RNF213: variants seen among roughly 807,000 people sequenced by gnomAD.
The protein encoded by RNF213 is ring finger protein 213, also known as E3 ubiquitin-protein ligase RNF213.
RNF213 carries 341 observed loss-of-function variants against 514.4 expected under a neutral mutation model. That is an observed-to-expected ratio of 0.66 (90% CI 0.61 to 0.73). RNF213 has a LOEUF of 0.73. Among genes scored for constraint, RNF213 ranks in the 30% least tolerant of loss-of-function variants. The pLI, the probability that RNF213 is intolerant of heterozygous loss-of-function variation, is 0.00. For synonymous variants in RNF213, 2,655 were observed against 2,658.2 expected, an observed-to-expected ratio of 1.00 and a Z score of 0.04; for missense variants, 5,767 against 6,615.6, an observed-to-expected ratio of 0.87 and a Z score of 4.45.
In RNF213 at chr17:80,346,715, G is replaced by A. The variant is rs900815122; in HGVS notation, c.8380G>A (p.Asp2794Asn). The change falls in exon 29 of 68, where the codon GAT becomes AAT. Residue 2794 changes from aspartate (D) to asparagine (N), a missense_variant. Coordinates refer to ENST00000582970, the MANE Select transcript of RNF213 (RefSeq NM_001256071.3). The surrounding 1 kb of genome is among the most constrained non-coding windows in gnomAD (Gnocchi z 8.1). ...CATGCAGGGCCCGGCTGCCTACTCA[G>A]ATCTCTTCCGCAGCCTGAAGCAGGT... ...DAMQGPAAYS[D>N]LFRSLKQVHL... is the part of the protein sequence containing the mutation. 6.2e-7 allele frequency: 1 copy of A among 1,611,760 alleles called. No homozygotes were observed. The highest frequency in any genetic ancestry group is 8.5e-7 in the Non-Finnish European group (1 of 1,179,936).
rs1491546164 is a variant in RNF213, at chr17:80,368,173, CCT to C, written c.12155+31_12155+32del. 5.3e-5 allele frequency: 86 copies of C among 1,607,526 alleles called. 1 individual carries two copies. The highest frequency in any genetic ancestry group is 6.9e-5 in the Non-Finnish European group (81 of 1,174,094). On this transcript the variant is annotated intron_variant, in intron 44 of 67. Transcript: ENST00000582970. ...AACACCCTTTCTCTCAAGAAAGCAT[CCT>C]TTTTTTCATTTTCCTTTTTTGGCAA...
Position 80,381,129 on chromosome 17 carries a change from C to T in RNF213, c.13797+142C>T, listed in dbSNP as rs574812727. ...TCTACAAAGTAATATACAAGTTATA[C>T]ATCTTCATGTTTCCCCCTGTGGCGT... On this transcript the variant is annotated intron_variant, in intron 56 of 67. Transcript: ENST00000582970. 113 of 887,980 alleles carry T rather than the reference C, an allele frequency of 1.3e-4. 1 individual carries two copies. In the South Asian group the frequency reaches 1.4e-3, roughly 11 times the overall value. The allele number at this position is 887,980 out of a possible 1,614,324, so 55.0% of individuals were successfully genotyped here. A position where few individuals can be genotyped will look rare whatever the true frequency, so the allele number is the denominator to read the frequency against.
rs758730525 is a variant in RNF213 at position 80,383,798 on chromosome 17, G to A, written c.14192G>A (p.Arg4731Gln). 3.0e-5 allele frequency: 49 copies of A among 1,613,994 alleles called. No homozygotes were observed. The highest frequency in any genetic ancestry group is 4.5e-5 in the East Asian group (2 of 44,900). ...GTGACCTTCCTGCCCCACCTGCCCCGGAAAAGTGTGGTCCATTGCTCTAAG... is the reference window on the plus strand; with the variant it reads ...GTGACCTTCCTGCCCCACCTGCCCCAGAAAAGTGTGGTCCATTGCTCTAAG... ...DPVTFLPHLP[R>Q]KSVVHCSKIW... Residue 4731 changes from arginine (R) to glutamine (Q), a missense_variant, in exon 59 of 68, where the codon CGG (arginine) becomes CAG (glutamine). By Grantham distance (43) the Arg-to-Gln change is conservative (BLOSUM62 1). This residue lies in a region of RNF213 where 1,245 missense variants were observed against 1,339.0 expected (regional missense o/e 0.93). Transcript: ENST00000582970.
intron 6 of RNF213, 41 bp from the exon 7 acceptor site, chr17:80,290,529 G>C (rs373504283): frequency 1.9e-6 from 3 of 1,612,292 alleles, no homozygotes; most frequent in Admixed American, 1.7e-5. Flanking sequence ...CAGGTGGACA[G>C]ATCTCACGGG....
intron 23 of RNF213, chr17:80,336,644 C>T (rs760544032): frequency 1.9e-4 from 91 of 470,178 alleles, no homozygotes; most frequent in African/African-American, 4.3e-4. Context: ...TATGCTGAAA[C>T]GTTGCCAGGA....
intron 3 of RNF213, among the ~76,000 whole-genome samples, chr17:80,280,406 A>G (rs548440215): frequency 1.3e-5 from 2 of 152,274 alleles, no homozygotes; most frequent in South Asian, 2.1e-4. Context: ...AACTTAACCA[A>G]CTAATTAATG....
intron 2 of RNF213, among the ~76,000 whole-genome samples, chr17:80,270,109 C>T (rs908788869): frequency 3.3e-5 from 5 of 152,202 alleles, no homozygotes; most frequent in Admixed American, 2.0e-4. Flanking sequence ...TGAATGTGTG[C>T]GCACACACAC....
chr17:80,392,015 G>C (rs556447896), intron 67 of RNF213, among the ~76,000 whole-genome samples: 3 of 151,978 alleles, frequency 2.0e-5, no homozygotes, highest in South Asian at 2.1e-4. Context: ...TGATCTGCCC[G>C]TCTCGGCCTC....
rs774454468 is a variant in RNF213, at chr17:80,363,134, G to A, written c.11388G>A (p.Arg3796=). The change falls in exon 40 of 68, where the codon AGG becomes AGA. Residue 3796 remains arginine, a synonymous_variant. Coordinates refer to ENST00000582970, the MANE Select transcript of RNF213 (RefSeq NM_001256071.3). The part of the protein sequence containing the change: ...FLQMALWSCT[R]KLKAASEAPE... Reference sequence around the variant, plus strand: ...AGATGGCTCTGTGGTCCTGCACTAGGAAACTGAAAGCGGCGTCAGAAGCGC... The same window carrying A: ...AGATGGCTCTGTGGTCCTGCACTAGAAAACTGAAAGCGGCGTCAGAAGCGC... 1 of 1,614,214 alleles carries A rather than the reference G, an allele frequency of 6.2e-7. No individual in the cohort carries two copies. Among genetic ancestry groups the A allele is most frequent in the Admixed American group, 1.7e-5 (1 of 60,034 alleles).
rs148511638 is a variant in RNF213, at chr17:80,317,581, G to A, written c.2901+304G>A. Among the ~76,000 whole-genome samples, 1,075 of 152,276 alleles carry A rather than the reference G, an allele frequency of 7.1e-3. 14 individuals carry two copies. The highest frequency in any genetic ancestry group is 0.025 in the African/African-American group (1,031 of 41,554). ...GGATGCTGTGTTTACTTGGCCCGCCGTGCTCAACCCCTTGTGGGAGGGAGC... is the reference window on the plus strand; with the variant it reads ...GGATGCTGTGTTTACTTGGCCCGCCATGCTCAACCCCTTGTGGGAGGGAGC... On this transcript the variant is annotated intron_variant, in intron 16 of 67. Transcript: ENST00000582970. The surrounding 1 kb of genome is among the most constrained non-coding windows in gnomAD (Gnocchi z 4.1).
rs1164347708 is a variant in RNF213 at position 80,393,407 on chromosome 17, C to G, written c.15533C>G (p.Ala5178Gly). 6.2e-7 allele frequency: 1 copy of G among 1,614,092 alleles called. No individual in the cohort carries two copies. The highest frequency in any genetic ancestry group is 2.2e-5 in the East Asian group (1 of 44,896). The change falls in exon 68 of 68, where the codon GCA becomes GGA. Residue 5178 changes from alanine (A) to glycine (G), a missense_variant. Coordinates refer to ENST00000582970, the MANE Select transcript of RNF213 (RefSeq NM_001256071.3). Reference protein sequence around the residue: ...TKESEILPEMASQFPEEILLA... With the variant: ...TKESEILPEMGSQFPEEILLA... Reference sequence around the variant, plus strand: ...GAAAGTGAAATTCTTCCTGAAATGGCATCTCAGTTCCCAGAAGAGATACTG... The same window carrying G: ...GAAAGTGAAATTCTTCCTGAAATGGGATCTCAGTTCCCAGAAGAGATACTG...
rs989015626 is a variant in RNF213, at chr17:80,381,356, G to A, written c.13798-191G>A. On this transcript the variant is annotated intron_variant, in intron 56 of 67. Transcript: ENST00000582970. The stretch of plus-strand genomic sequence containing the variant: ...CAATCTGGATATTCTTTATCTCACT[G>A]TAACAACAGAAAAGCCAGCAGCCGT... 5 of 677,308 alleles carry A rather than the reference G, an allele frequency of 7.4e-6. No homozygotes were observed. The Admixed American group carries it at 1.1e-4, about 14-fold the overall frequency. 42.0% of individuals were successfully genotyped at this position (677,308 alleles called of 1,614,324 possible). A position where few individuals can be genotyped will look rare whatever the true frequency, so the allele number is the denominator to read the frequency against.
At chr17:80,360,397 G>A (rs921761323) in intron 38 of RNF213, 191 bp downstream of exon 38, 3 of 674,608 alleles carry the variant, frequency 4.4e-6, no homozygotes, top group Non-Finnish European at 7.8e-6. Flanking sequence ...GAAGGAGTGA[G>A]AGGCCCCGGC....
chr17:80,349,027 A>C (rs2144166324), intron 29 of RNF213, among the ~76,000 whole-genome samples: 1 of 152,222 alleles, frequency 6.6e-6, no homozygotes, highest in East Asian at 1.9e-4. Context: ...AACCGTACAA[A>C]GGAGAGGAGC....
In RNF213 at chr17:80,345,458, G is replaced by C; in HGVS notation, c.7123G>C (p.Glu2375Gln). 1 of 1,611,848 alleles carries C rather than the reference G, an allele frequency of 6.2e-7. No homozygotes were observed. Among genetic ancestry groups the C allele is most frequent in the Non-Finnish European group, 8.5e-7 (1 of 1,178,436 alleles). The change falls in exon 29 of 68, where the codon GAG (glutamate) becomes CAG (glutamine). Residue 2375 changes from glutamate (E) to glutamine (Q), a missense_variant. This residue lies in a region of RNF213 where 1,377 missense variants were observed against 1,635.2 expected (regional missense o/e 0.84). Transcript: ENST00000582970. The surrounding 1 kb of genome is among the most constrained non-coding windows in gnomAD (Gnocchi z 6.0). ...TAAACTGCCCAGACACAAGAAACTT[G>C]AGAGGCTCTGCCTGACCTTAGGGAT... is the stretch of plus-strand genomic sequence containing the variant. Reference protein sequence around the residue: ...FDKLPRHKKLERLCLTLGIPQ... With the variant: ...FDKLPRHKKLQRLCLTLGIPQ...
chr17:80,379,757 G>T, intron 55 of RNF213, 43 bp downstream of exon 55: 1 of 1,544,218 alleles, frequency 6.5e-7, no homozygotes, highest in South Asian at 1.1e-5. Flanking sequence ...TCAAACTTTG[G>T]GGTGTTGGGC....
intron 20 of RNF213, among the ~76,000 whole-genome samples, chr17:80,329,508 A>G (rs2046359470): frequency 6.6e-6 from 1 of 152,116 alleles, no homozygotes; most frequent in South Asian, 2.1e-4. Flanking sequence ...CATATTCTGA[A>G]ATAATAACGT....
At chr17:80,369,902 C>T (rs755295192) in intron 46 of RNF213, 35 bp downstream of exon 46, 5 of 1,445,372 alleles carry the variant, frequency 3.5e-6, no homozygotes, top group Admixed American at 1.7e-5. Context: ...TCTGGAAAGC[C>T]CTGGCTTTTT....
intron 59 of RNF213, chr17:80,384,769 TTCA>T: frequency 1.0e-5 from 5 of 481,620 alleles, no homozygotes; most frequent in South Asian, 8.2e-5. Context: ...ACAGATTTCC[TTCA>T]TCAGCCTTTG....
Sources: allele counts gnomAD v4.1 joint callset (sites outside exome capture counted in the v4.1 genomes callset), GRCh38; gene constraint gnomAD v4.1.1; regional missense constraint gnomAD v4.1.1; non-coding constraint Gnocchi (gnomAD v3.1); transcripts MANE v1.5; gene names NCBI Gene and HGNC (gene_info 2026-07-23, HGNC 2026-07-21).